NEK1: variants seen among roughly 807,000 people sequenced by gnomAD.
NEK1 encodes the protein NIMA related kinase 1.
NEK1 carries 137 observed loss-of-function variants against 182.1 expected under a neutral mutation model. The ratio of observed to expected loss-of-function variants is 0.75; its 90% confidence interval spans 0.65 to 0.87. The LOEUF is 0.87. Ranked by LOEUF, NEK1 falls within the 40% of genes least tolerant of loss-of-function variation. NEK1 has a pLI of 0.00. For synonymous variants in NEK1, 513 were observed against 492.2 expected (o/e 1.04, Z -0.56); for missense variants, 1,391 against 1,494.4 (o/e 0.93, Z 1.14).
At chr4:169,414,243 T>G (rs1734145879) in intron 31 of NEK1, among the ~76,000 whole-genome samples, 1 of 152,206 alleles carries the variant, frequency 6.6e-6, no homozygotes, top group East Asian at 1.9e-4. Flanking sequence ...TTTGCTTAAA[T>G]TTTAATGAGT....
At chr4:169,523,394 A>C (rs1389849748) in intron 19 of NEK1, among the ~76,000 whole-genome samples, 1 of 152,234 alleles carries the variant, frequency 6.6e-6, no homozygotes, top group African/African-American at 2.4e-5. Flanking sequence ...CCCTATAAAA[A>C]GGGAAAATTT....
intron 16 of NEK1, among the ~76,000 whole-genome samples, chr4:169,559,364 GA>G (rs1329084221): frequency 1.1e-4 from 17 of 152,262 alleles, no homozygotes; most frequent in Admixed American, 1.1e-3. Flanking sequence ...GAATGGACCA[GA>G]TTCTAAGTCA....
At position 169,392,830 on chromosome 4, in the gene NEK1, A is replaced by G. The variant is rs974389317; in HGVS notation, c.*1680T>C. On this transcript the variant is annotated 3_prime_UTR_variant, in exon 36 of 36. Transcript: ENST00000507142. ...GATAGCCCATTTAATGCTAACATTT[A>G]TTAATCTACAGATGCTTCCACATGT... 2 of 152,228 alleles carry G rather than the reference A, an allele frequency of 1.3e-5. No homozygotes were observed. The highest frequency in any genetic ancestry group is 4.8e-5 in the African/African-American group (2 of 41,466). 9.4% of individuals were successfully genotyped at this position (152,228 alleles called of 1,614,324 possible). A position where few individuals can be genotyped will look rare whatever the true frequency, so the allele number is the denominator to read the frequency against.
In NEK1 at chr4:169,534,020, C is replaced by T. The variant is rs1758069453; in HGVS notation, c.1665+3789G>A. ...AAGGAAAGAATTCCTTATAAAACAACAAGATCCAGAACATCACATGTCTCA... is the reference window on the plus strand; with the variant it reads ...AAGGAAAGAATTCCTTATAAAACAATAAGATCCAGAACATCACATGTCTCA... On this transcript the variant is annotated intron_variant, in intron 19 of 35. Transcript: ENST00000507142. Among the ~76,000 whole-genome samples, 4 of 152,148 alleles carry T rather than the reference C, an allele frequency of 2.6e-5. No homozygotes were observed. In the South Asian group the frequency reaches 8.3e-4, roughly 32 times the overall value.
chr4:169,472,918 T>G lies in NEK1; in HGVS notation c.2434+4206A>C, dbSNP rs140730145. On this transcript the variant is annotated intron_variant, in intron 26 of 35. Coordinates refer to ENST00000507142, the MANE Select transcript of NEK1 (RefSeq NM_001199397.3). The stretch of plus-strand genomic sequence containing the variant: ...ACAAATGAAGAAGATAATTACAGTA[T>G]GTGATTAGTTCTTTAAAAATAATAA... 8.3e-3 allele frequency among the ~76,000 whole-genome samples: 1,258 copies of G among 152,220 alleles called. 12 individuals carry two copies. Among genetic ancestry groups the G allele is most frequent in the Non-Finnish European group, 0.014 (956 of 68,006 alleles).
intron 24 of NEK1, among the ~76,000 whole-genome samples, chr4:169,479,165 C>T (rs1747519288): frequency 6.6e-6 from 1 of 151,878 alleles, no homozygotes; most frequent in Non-Finnish European, 1.5e-5. Context: ...TTTCAATATT[C>T]TTTTAAAGTA....
At chr4:169,493,761 A>C (rs528977084) in intron 23 of NEK1, among the ~76,000 whole-genome samples, 2 of 152,244 alleles carry the variant, frequency 1.3e-5, no homozygotes, top group South Asian at 2.1e-4. Context: ...TTAAAAAAGC[A>C]AACAAGGCCT....
chr4:169,460,053 C>T (rs775421997), intron 27 of NEK1, among the ~76,000 whole-genome samples: 12 of 152,074 alleles, frequency 7.9e-5, no homozygotes, highest in Non-Finnish European at 1.2e-4. Flanking sequence ...CAACATTGGT[C>T]TATTGATTAA....
chr4:169,405,618 C>T (rs1732455675), intron 32 of NEK1, among the ~76,000 whole-genome samples: 1 of 152,088 alleles, frequency 6.6e-6, no homozygotes, highest in Non-Finnish European at 1.5e-5. Flanking sequence ...TATCATCATG[C>T]CAGTGCACTC....
intron 20 of NEK1, among the ~76,000 whole-genome samples, 193 bp downstream of exon 20, chr4:169,508,576 C>A (rs1021584113): frequency 1.3e-5 from 2 of 151,912 alleles, no homozygotes; most frequent in South Asian, 2.1e-4. Flanking sequence ...AGAAAAGAAA[C>A]TGAAATCATA....
At chr4:169,421,090 A>C (rs1356056095) in intron 31 of NEK1, among the ~76,000 whole-genome samples, 2 of 152,206 alleles carry the variant, frequency 1.3e-5, no homozygotes, top group Non-Finnish European at 2.9e-5. Flanking sequence ...GTTTCAGACA[A>C]GGTGATATGA....
intron 8 of NEK1, 51 bp downstream of exon 8, chr4:169,588,596 CAA>C: frequency 9.3e-7 from 1 of 1,070,534 alleles, no homozygotes. Flanking sequence ...ATAAACATGA[CAA>C]CAAAAAAATT....
intron 26 of NEK1, among the ~76,000 whole-genome samples, chr4:169,464,426 C>T (rs1744551336): frequency 6.6e-6 from 1 of 152,134 alleles, no homozygotes; most frequent in Admixed American, 6.6e-5. Context: ...GGTATTCTAT[C>T]AGATAGCTTT....
intron 27 of NEK1, among the ~76,000 whole-genome samples, chr4:169,449,820 G>C (rs1026664290): frequency 1.2e-4 from 18 of 152,234 alleles, no homozygotes; most frequent in Non-Finnish European, 5.9e-5. Flanking sequence ...GCTGGACAGA[G>C]AATGACTTTG....
intron 12 of NEK1, among the ~76,000 whole-genome samples, chr4:169,570,511 G>A (rs1218238898): frequency 2.7e-5 from 4 of 149,462 alleles, no homozygotes; most frequent in Non-Finnish European, 4.5e-5. Context: ...AGGTGGGGGG[G>A]TCAGCCCCCC....
intron 19 of NEK1, among the ~76,000 whole-genome samples, chr4:169,528,379 G>A (rs915687639): frequency 6.6e-6 from 1 of 152,154 alleles, no homozygotes; most frequent in African/African-American, 2.4e-5. Context: ...GAGACCTCAA[G>A]TCAACAGCCA....
chr4:169,441,994 T>TGCA (rs1219755563), intron 27 of NEK1, among the ~76,000 whole-genome samples: 1 of 152,054 alleles, frequency 6.6e-6, no homozygotes, highest in East Asian at 1.9e-4. Context: ...ACCATCCACC[T>TGCA]GCACTAAAGG....
At chr4:169,449,801 C>T (rs558726369) in intron 27 of NEK1, among the ~76,000 whole-genome samples, 1 of 152,290 alleles carries the variant, frequency 6.6e-6, no homozygotes, top group Non-Finnish European at 1.5e-5. Flanking sequence ...TTGCCAGCAA[C>T]AGAACAAAGC....
intron 27 of NEK1, among the ~76,000 whole-genome samples, chr4:169,451,621 G>A (rs1331154915): frequency 6.6e-6 from 1 of 152,056 alleles, no homozygotes; most frequent in Admixed American, 6.5e-5. Context: ...AGAATCCCTG[G>A]GACACATTTA....
Sources: allele counts gnomAD v4.1 joint callset (sites outside exome capture counted in the v4.1 genomes callset), GRCh38; gene constraint gnomAD v4.1.1; transcripts MANE v1.5; gene names NCBI Gene and HGNC (gene_info 2026-07-23, HGNC 2026-07-21).